Variants in SIPA1L1 observed in about 807,000 individuals in gnomAD.
The protein encoded by SIPA1L1 is signal induced proliferation associated 1 like 1.
In SIPA1L1, 26 loss-of-function variants were observed where a neutral mutation model predicts 162.7. The ratio of observed to expected loss-of-function variants is 0.16; its 90% CI spans 0.12 to 0.22. The LOEUF (loss-of-function observed/expected upper bound fraction) is 0.22, where lower values mean the gene tolerates loss of function less well. SIPA1L1 is among the 10% of genes least tolerant of loss of function. The probability of loss-of-function intolerance (pLI) is 1.00; values close to 1 mark genes in which losing one functional copy is unlikely to be tolerated. For missense variants in SIPA1L1, 1,874 were observed against 2,241.0 expected (o/e 0.84, Z 3.31); for synonymous variants, 829 against 837.4 (o/e 0.99, Z 0.17).
intron 2 of SIPA1L1, chr14:71,330,879 G>C (rs1284494427): frequency 3.5e-6 from 2 of 563,920 alleles, no homozygotes; most frequent in East Asian, 6.0e-5. Context: ...TTGCTTTTTT[G>C]CTCTGCTGAT....
intron 5 of SIPA1L1, among the ~76,000 whole-genome samples, chr14:71,604,982 C>T (rs2037317411): frequency 6.6e-6 from 1 of 151,018 alleles, no homozygotes; most frequent in Non-Finnish European, 1.5e-5. Flanking sequence ...ATTTTCTAAC[C>T]CTTTGATTTT....
chr14:71,364,066 T>C (rs1400290215), intron 2 of SIPA1L1, among the ~76,000 whole-genome samples: 1 of 152,212 alleles, frequency 6.6e-6, no homozygotes, highest in East Asian at 1.9e-4. Flanking sequence ...TTATGTCTGT[T>C]ACATTCATGA....
At chr14:71,611,443 G>A (rs940016127) in intron 5 of SIPA1L1, among the ~76,000 whole-genome samples, 4 of 147,024 alleles carry the variant, frequency 2.7e-5, no homozygotes, top group East Asian at 1.9e-4. Flanking sequence ...TGTGCAGGAC[G>A]TGCAGGTTTG....
At chr14:71,731,089 C>T (rs927112365) in intron 20 of SIPA1L1, among the ~76,000 whole-genome samples, 7 of 152,172 alleles carry the variant, frequency 4.6e-5, no homozygotes, top group Non-Finnish European at 8.8e-5. Context: ...GTCCTTTTTC[C>T]TTTGGTGAAC....
chr14:71,543,886 TATATC>T (rs1464301030), intron 4 of SIPA1L1, among the ~76,000 whole-genome samples: 72 of 113,828 alleles, frequency 6.3e-4, no homozygotes, highest in African/African-American at 1.9e-3. Flanking sequence ...TATATATACA[TATATC>T]ATACGTATAT....
intron 2 of SIPA1L1, among the ~76,000 whole-genome samples, chr14:71,398,781 G>A (rs2041428253): frequency 6.6e-6 from 1 of 152,176 alleles, no homozygotes; most frequent in South Asian, 2.1e-4. Flanking sequence ...TGTCCTTGAA[G>A]TGGTACCTAT....
chr14:71,597,640 G>A (rs1338911354), intron 5 of SIPA1L1, among the ~76,000 whole-genome samples: 2 of 152,154 alleles, frequency 1.3e-5, no homozygotes, highest in Non-Finnish European at 2.9e-5. Flanking sequence ...CCACATGTGT[G>A]TCAAAATTAG....
intron 10 of SIPA1L1, among the ~76,000 whole-genome samples, chr14:71,665,318 G>A (rs146162815): frequency 0.014 from 2,196 of 152,226 alleles, 23 homozygotes; most frequent in South Asian, 0.023. Flanking sequence ...ATACCTCCCT[G>A]GGGACTAGAA....
At chr14:71,573,028 A>T (rs1344007317) in intron 4 of SIPA1L1, among the ~76,000 whole-genome samples, 1 of 152,230 alleles carries the variant, frequency 6.6e-6, no homozygotes, top group African/African-American at 2.4e-5. Context: ...TTGACAAATT[A>T]AAAAGTAGCA....
chr14:71,670,953 G>A (rs1165548052), intron 10 of SIPA1L1, among the ~76,000 whole-genome samples, 166 bp from the exon 11 acceptor site: 1 of 152,146 alleles, frequency 6.6e-6, no homozygotes, highest in African/African-American at 2.4e-5. Context: ...GCGGTAGAAT[G>A]AAAAAATATA....
chr14:71,710,198 G>A (rs532035102), intron 17 of SIPA1L1, among the ~76,000 whole-genome samples: 3 of 152,168 alleles, frequency 2.0e-5, no homozygotes, highest in Admixed American at 2.0e-4. Flanking sequence ...GGTTGAGAGT[G>A]GGGGATGTCC....
intron 5 of SIPA1L1, among the ~76,000 whole-genome samples, chr14:71,611,376 G>C (rs1426990304): frequency 6.6e-6 from 1 of 151,674 alleles, no homozygotes; most frequent in Non-Finnish European, 1.5e-5. Flanking sequence ...TTTTTTCCTA[G>C]TTGTTATTTT....
intron 2 of SIPA1L1, among the ~76,000 whole-genome samples, chr14:71,487,327 A>G (rs2048852720): frequency 6.6e-6 from 1 of 152,164 alleles, no homozygotes; most frequent in South Asian, 2.1e-4. Context: ...CGCATCATAG[A>G]GAGGAAGTTA....
intron 7 of SIPA1L1, among the ~76,000 whole-genome samples, chr14:71,638,292 GA>G (rs1002088342): frequency 2.0e-5 from 3 of 150,826 alleles, no homozygotes; most frequent in East Asian, 1.9e-4. Context: ...AAAATTCCTT[GA>G]AAAAAAAATT....
intron 2 of SIPA1L1, among the ~76,000 whole-genome samples, chr14:71,451,428 G>T (rs941672290): frequency 4.6e-5 from 7 of 151,950 alleles, no homozygotes; most frequent in Non-Finnish European, 1.0e-4. Flanking sequence ...GAGCCCTGGG[G>T]TTCAAAACCA....
intron 4 of SIPA1L1, among the ~76,000 whole-genome samples, chr14:71,546,376 C>CTTTTTTTT (rs11480749): frequency 1.2e-4 from 14 of 116,932 alleles, no homozygotes; most frequent in Admixed American, 2.1e-4. Context: ...CTTTTTCTTT[C>CTTTTTTTT]TTTTTTTTTT....
chr14:71,719,240 A>G (rs547457602), intron 17 of SIPA1L1, among the ~76,000 whole-genome samples: 4 of 152,254 alleles, frequency 2.6e-5, no homozygotes, highest in African/African-American at 7.2e-5. Flanking sequence ...CACCCAGCCA[A>G]TATTAAGAAT....
At chr14:71,664,805 C>T (rs117830319) in intron 10 of SIPA1L1, among the ~76,000 whole-genome samples, 210 of 152,184 alleles carry the variant, frequency 1.4e-3, no homozygotes, top group Non-Finnish European at 2.5e-3. Context: ...GAAAGAGTGT[C>T]TTGCAGTAAT....
intron 14 of SIPA1L1, among the ~76,000 whole-genome samples, chr14:71,700,919 G>A (rs377155777): frequency 4.2e-5 from 6 of 143,122 alleles, no homozygotes; most frequent in East Asian, 2.4e-4. Context: ...GTGTGAACCC[G>A]GGAGGCGGAG....
Sources: allele counts gnomAD v4.1 joint callset (sites outside exome capture counted in the v4.1 genomes callset), GRCh38; gene constraint gnomAD v4.1.1; transcripts MANE v1.5; gene names NCBI Gene and HGNC (gene_info 2026-07-23, HGNC 2026-07-21).